The following NKAIN2 variants were observed in gnomAD, a reference collection of about 807,000 sequenced individuals.
NKAIN2 encodes the protein sodium/potassium transporting ATPase interacting 2, also known as sodium/potassium-transporting ATPase subunit beta-1-interacting protein 2.
Under a neutral mutation model 32.6 loss-of-function variants are expected in NKAIN2, and 14 were observed. The ratio of observed to expected loss-of-function variants is 0.43; its 90% CI spans 0.28 to 0.67. The LOEUF is 0.67. Among genes scored for constraint, NKAIN2 ranks in the 30% least tolerant of loss-of-function variants. NKAIN2 has a pLI of 0.17. For missense variants in NKAIN2, 198 were observed against 258.3 expected, an observed-to-expected ratio of 0.77 and a Z score of 1.60; for synonymous variants, 80 against 87.2, an observed-to-expected ratio of 0.92 and a Z score of 0.46.
chr6:124,122,840 G>A (rs1785950020), intron 1 of NKAIN2, among the ~76,000 whole-genome samples: 1 of 151,902 alleles, frequency 6.6e-6, no homozygotes, highest in East Asian at 1.9e-4. Context: ...AAAGTATCTG[G>A]TGTCTACATT....
chr6:124,225,069 A>G (rs1219371950), intron 1 of NKAIN2, among the ~76,000 whole-genome samples: 2 of 152,014 alleles, frequency 1.3e-5, no homozygotes, highest in East Asian at 3.8e-4. Context: ...TTCATTCTAG[A>G]GATGTTTATT....
intron 2 of NKAIN2, among the ~76,000 whole-genome samples, chr6:124,297,506 G>A (rs1450388672): frequency 6.6e-6 from 1 of 151,974 alleles, no homozygotes; most frequent in African/African-American, 2.4e-5. Context: ...CAGAAAAGGT[G>A]GAAACTGGCC....
At chr6:123,836,323 A>T (rs1562209249) in intron 1 of NKAIN2, among the ~76,000 whole-genome samples, 1 of 152,142 alleles carries the variant, frequency 6.6e-6, no homozygotes, top group Non-Finnish European at 1.5e-5. Context: ...GAATCTTGGC[A>T]GTAAGAACCT....
At chr6:124,761,387 T>G (rs1778259381) in intron 4 of NKAIN2, among the ~76,000 whole-genome samples, 2 of 152,132 alleles carry the variant, frequency 1.3e-5, no homozygotes. Flanking sequence ...CACGTTTCCT[T>G]TTAACTTCTT....
chr6:124,525,466 A>G (rs1355330815), intron 3 of NKAIN2, among the ~76,000 whole-genome samples: 4 of 152,142 alleles, frequency 2.6e-5, no homozygotes, highest in Admixed American at 6.6e-5. Context: ...AGCTCTTTAT[A>G]TAACTTTTAA....
chr6:124,140,233 A>G (rs1348621054), intron 1 of NKAIN2, among the ~76,000 whole-genome samples: 7 of 152,218 alleles, frequency 4.6e-5, no homozygotes, highest in Admixed American at 1.3e-4. Context: ...TTTCACATAT[A>G]GTATCCTTAT....
intron 1 of NKAIN2, among the ~76,000 whole-genome samples, chr6:123,884,313 T>C (rs1004363347): frequency 1.4e-4 from 22 of 152,188 alleles, no homozygotes; most frequent in African/African-American, 4.8e-4. Flanking sequence ...TAGTATTCCA[T>C]GGTGCATATG....
chr6:124,082,242 G>T (rs1435091635), intron 1 of NKAIN2, among the ~76,000 whole-genome samples: 1 of 152,022 alleles, frequency 6.6e-6, no homozygotes, highest in East Asian at 1.9e-4. Context: ...GTATTCTTAT[G>T]CTAAACATCA....
At chr6:124,601,244 T>C (rs956906426) in intron 3 of NKAIN2, among the ~76,000 whole-genome samples, 6 of 152,134 alleles carry the variant, frequency 3.9e-5, no homozygotes, top group East Asian at 1.9e-4. Flanking sequence ...TTAAAGCCAA[T>C]GGGAGTTGTA....
At chr6:124,380,804 G>A (rs1276689019) in intron 3 of NKAIN2, among the ~76,000 whole-genome samples, 2 of 152,152 alleles carry the variant, frequency 1.3e-5, no homozygotes, top group Non-Finnish European at 2.9e-5. Flanking sequence ...TGACCAAGAC[G>A]TGACATAGAA....
intron 1 of NKAIN2, among the ~76,000 whole-genome samples, chr6:123,806,086 CAT>C (rs1424965257): frequency 6.6e-6 from 1 of 152,106 alleles, no homozygotes; most frequent in Non-Finnish European, 1.5e-5. Context: ...TATGTGCTCA[CAT>C]ATGTGTGTAT....
chr6:124,793,484 T>C (rs1181990800), intron 5 of NKAIN2, among the ~76,000 whole-genome samples: 1 of 152,220 alleles, frequency 6.6e-6, no homozygotes, highest in South Asian at 2.1e-4. Context: ...AAGTCCCCAG[T>C]TGATTTTCAT....
intron 4 of NKAIN2, among the ~76,000 whole-genome samples, chr6:124,664,200 G>A (rs546833160): frequency 5.3e-5 from 8 of 151,724 alleles, no homozygotes; most frequent in African/African-American, 9.7e-5. Flanking sequence ...GCCTGGACCC[G>A]GGAGGCGGAG....
intron 1 of NKAIN2, among the ~76,000 whole-genome samples, chr6:123,969,050 A>G (rs1304106611): frequency 3.3e-5 from 5 of 152,082 alleles, no homozygotes; most frequent in Admixed American, 2.0e-4. Context: ...TGATTTGAAT[A>G]TAAGTTGCCT....
At chr6:124,084,623 G>A (rs78511479) in intron 1 of NKAIN2, among the ~76,000 whole-genome samples, 4,433 of 151,878 alleles carry the variant, frequency 0.029, 200 homozygotes, top group African/African-American at 0.098. Flanking sequence ...GCTTTCCCAT[G>A]TGCTACCTCA....
chr6:124,583,773 T>C (rs1781609379), intron 3 of NKAIN2, among the ~76,000 whole-genome samples: 1 of 152,176 alleles, frequency 6.6e-6, no homozygotes, highest in Non-Finnish European at 1.5e-5. Flanking sequence ...TAAAGCAGCA[T>C]AGCACTGGCA....
intron 3 of NKAIN2, among the ~76,000 whole-genome samples, chr6:124,361,341 A>G (rs1021939604): frequency 2.6e-5 from 4 of 152,080 alleles, no homozygotes; most frequent in Non-Finnish European, 5.9e-5. Context: ...TTTTCTTCAT[A>G]TTACTATTTT....
At chr6:124,799,100 C>T (rs1044934244) in intron 5 of NKAIN2, among the ~76,000 whole-genome samples, 11 of 152,138 alleles carry the variant, frequency 7.2e-5, no homozygotes, top group South Asian at 2.1e-4. Context: ...ATTTTCTAAA[C>T]AAGAGTAAGA....
chr6:124,679,557 C>A lies in NKAIN2; in HGVS notation c.474+21171C>A, dbSNP rs553108007. On this transcript the variant is annotated intron_variant, in intron 4 of 6. Coordinates refer to ENST00000368417, the MANE Select transcript of NKAIN2 (RefSeq NM_001040214.3). ...GCTTTGATGCAGCTAGTTTTGCAAT[C>A]ACCTGGGGTTTAGCAGTCTCTTAAC... Among the ~76,000 whole-genome samples, 13 of 152,266 alleles carry A rather than the reference C, an allele frequency of 8.5e-5. No individual in the cohort carries two copies. The South Asian group carries it at 2.7e-3, about 32-fold the overall frequency.
Sources: gnomAD v4.1 joint callset for allele counts (sites outside exome capture counted in the v4.1 genomes callset) on GRCh38, gnomAD v4.1.1 for gene constraint, MANE v1.5 for transcripts, NCBI Gene and HGNC (gene_info 2026-07-23, HGNC 2026-07-21) for gene names.